ERG: variants seen among roughly 807,000 people sequenced by gnomAD.
ERG encodes the protein transcriptional regulator ERG.
ERG carries 9 observed loss-of-function variants against 55.3 expected under a neutral mutation model. The ratio of observed to expected loss-of-function variants is 0.16; its 90% CI spans 0.10 to 0.28. The LOEUF (loss-of-function observed/expected upper bound fraction) is 0.28. Among genes scored for constraint, ERG ranks in the 10% least tolerant of loss-of-function variants. The pLI is 1.00. For missense variants in ERG, 434 were observed against 631.6 expected (o/e 0.69, Z 3.35); for synonymous variants, 223 against 237.3 (o/e 0.94, Z 0.55).
chr21:38,378,089 A>G (rs1987290261), downstream of ERG, among the ~76,000 whole-genome samples: 1 of 152,158 alleles, frequency 6.6e-6, no homozygotes, highest in East Asian at 1.9e-4. Context: ...GGGTGATTCC[A>G]CTGTCTCTGT....
chr21:38,492,753 TG>T (rs765426074), intron 1 of ERG, among the ~76,000 whole-genome samples: 4 of 152,272 alleles, frequency 2.6e-5, no homozygotes, highest in Non-Finnish European at 5.9e-5. Context: ...AAACATGTCT[TG>T]GCCAAGCTCA....
rs1987366038 is a variant in ERG at position 38,380,290 on chromosome 21, G to A, written c.*3113C>T. 1 of 1,056,218 alleles carries A rather than the reference G, an allele frequency of 9.5e-7. No individual in the cohort carries two copies. Among genetic ancestry groups the A allele is most frequent in the African/African-American group, 1.6e-5 (1 of 60,662 alleles). 65.4% of individuals were successfully genotyped at this position (1,056,218 alleles called of 1,614,324 possible). ...GCAGCTCCTCCGGCTCCTGCTCCTG[G>A]GTTGCAGGTGCCACATCTGTGCAGA... is the stretch of plus-strand genomic sequence containing the variant. On this transcript the variant is annotated 3_prime_UTR_variant, in exon 10 of 10. Coordinates refer to ENST00000288319, the MANE Select transcript of ERG (RefSeq NM_182918.4).
chr21:38,548,283 A>G (rs555253930), intron 2 of ERG, among the ~76,000 whole-genome samples: 1 of 152,298 alleles, frequency 6.6e-6, no homozygotes, highest in African/African-American at 2.4e-5. Context: ...CCACCAAGAA[A>G]TCAAAACAGC....
chr21:38,484,468 T>A (rs1365464024), intron 1 of ERG, among the ~76,000 whole-genome samples: 1 of 152,186 alleles, frequency 6.6e-6, no homozygotes, highest in Non-Finnish European at 1.5e-5. Flanking sequence ...ACCCAAAGCA[T>A]AAGAATGGGA....
At chr21:38,571,509 T>A (rs926560845) in intron 2 of ERG, among the ~76,000 whole-genome samples, 2 of 151,410 alleles carry the variant, frequency 1.3e-5, no homozygotes, top group African/African-American at 2.4e-5. Context: ...AGACTATGTC[T>A]TAAAAAAAAT....
intron 2 of ERG, among the ~76,000 whole-genome samples, chr21:38,560,928 G>A (rs1321364205): frequency 1.3e-5 from 2 of 152,108 alleles, no homozygotes; most frequent in Admixed American, 6.5e-5. Flanking sequence ...TTTAATTGAT[G>A]CAAGAATAAT....
Position 38,382,602 on chromosome 21 carries a change from A to G in ERG, c.*801T>C. 9.4e-7 allele frequency: 1 copy of G among 1,066,254 alleles called. No homozygotes were observed. Among genetic ancestry groups the G allele is most frequent in the Non-Finnish European group, 1.1e-6 (1 of 879,628 alleles). The allele number at this position is 1,066,254 out of a possible 1,614,324, so 66.0% of individuals were successfully genotyped here. A position where few individuals can be genotyped will look rare whatever the true frequency, so the allele number is the denominator to read the frequency against. Reference sequence around the variant, plus strand: ...CCCTCGAGTCTCCATAACTCATTGTACACAGTCCCCAAATGTCCTGAGTCC... The same window carrying G: ...CCCTCGAGTCTCCATAACTCATTGTGCACAGTCCCCAAATGTCCTGAGTCC... On this transcript the variant is annotated 3_prime_UTR_variant, in exon 10 of 10. Transcript: ENST00000288319.
intron 8 of ERG, among the ~76,000 whole-genome samples, chr21:38,391,337 GC>G (rs1468226752): frequency 6.6e-6 from 1 of 152,174 alleles, no homozygotes; most frequent in Non-Finnish European, 1.5e-5. Context: ...CATGTGCCAA[GC>G]CCCATCAATC....
chr21:38,391,649 T>C lies in ERG; in HGVS notation c.871+10A>G, dbSNP rs766730830. The C allele has an allele frequency of 6.2e-7, 1 of 1,610,290 alleles. No individual in the cohort carries two copies. The highest frequency in any genetic ancestry group is 2.2e-5 in the East Asian group (1 of 44,830). ...CTCTTATGGTTATCCAGACGGCCCC[T>C]GAAACATACCTAACTGAGGACGCTG... On this transcript the variant is annotated intron_variant, in intron 8 of 9. Transcript: ENST00000288319.
At position 38,577,840 on chromosome 21, in the gene ERG, C is replaced by T. The variant is rs555551377; in HGVS notation, c.-126-2093G>A. On this transcript the variant is annotated intron_variant, in intron 1 of 8. Transcript: ENST00000398897. ...GACTAGTTCACTCCGCACAGTTCCT[C>T]CCTGCCTGCACACACATGCTGACGC... Among the ~76,000 whole-genome samples, 93 of 152,288 alleles carry T rather than the reference C, an allele frequency of 6.1e-4. 1 individual carries two copies. The highest frequency in any genetic ancestry group is 2.0e-3 in the African/African-American group (83 of 41,558).
chr21:38,471,731 A>C (rs1043240589), intron 1 of ERG: 1 of 152,228 alleles, frequency 6.6e-6, no homozygotes, highest in Non-Finnish European at 1.5e-5. Flanking sequence ...TTAAGATCAA[A>C]AGTCTGAGAA....
chr21:38,535,010 A>G (rs1241716876), intron 2 of ERG, among the ~76,000 whole-genome samples: 1 of 152,148 alleles, frequency 6.6e-6, no homozygotes, highest in East Asian at 1.9e-4. Context: ...GGTGTGTTAC[A>G]TAGGTAAACG....
At chr21:38,468,901 C>T (rs3787900) in intron 1 of ERG, among the ~76,000 whole-genome samples, 2,536 of 147,684 alleles carry the variant, frequency 0.017, 48 homozygotes, top group Middle Eastern at 0.1. Flanking sequence ...AGGAGAATAG[C>T]GTGAACCCGG....
rs1314328196 is a variant in ERG, at chr21:38,426,702, G to C, written c.237-3141C>G. Among the ~76,000 whole-genome samples the C allele has an allele frequency of 2.0e-5, 3 of 151,666 alleles. No homozygotes were observed. The East Asian group carries it at 5.9e-4, about 30-fold the overall frequency. ...TCCCAGCACTTTGGGAGGCCGAGCTGGGCGGATCACCTGAGGTCGGGAGTT... is the reference window on the plus strand; with the variant it reads ...TCCCAGCACTTTGGGAGGCCGAGCTCGGCGGATCACCTGAGGTCGGGAGTT... On this transcript the variant is annotated intron_variant, in intron 2 of 9. Transcript: ENST00000288319.
At chr21:38,550,977 C>T (rs1016176243) in intron 2 of ERG, among the ~76,000 whole-genome samples, 3 of 152,168 alleles carry the variant, frequency 2.0e-5, no homozygotes, top group African/African-American at 7.2e-5. Flanking sequence ...ATAAAAGTAA[C>T]ATTTTCATAT....
At chr21:38,527,654 G>T (rs2059639859) in intron 2 of ERG, among the ~76,000 whole-genome samples, 1 of 152,092 alleles carries the variant, frequency 6.6e-6, no homozygotes, top group South Asian at 2.1e-4. Flanking sequence ...GGAGGCCAAA[G>T]AAAAAGCTGG....
chr21:38,426,991 C>G (rs527456301), intron 2 of ERG, among the ~76,000 whole-genome samples: 1 of 152,228 alleles, frequency 6.6e-6, no homozygotes, highest in South Asian at 2.1e-4. Context: ...TCAGACCAAC[C>G]CCTTTTTCAT....
At chr21:38,429,589 GTA>G (rs1289048459) in intron 2 of ERG, among the ~76,000 whole-genome samples, 519 of 23,526 alleles carry the variant, frequency 0.022, 168 homozygotes, top group African/African-American at 0.045. Flanking sequence ...ATACATATGT[GTA>G]TATGTACATG....
chr21:38,448,667 A>C (rs1272272733), intron 1 of ERG, among the ~76,000 whole-genome samples: 1 of 152,216 alleles, frequency 6.6e-6, no homozygotes, highest in African/African-American at 2.4e-5. Context: ...CACTAAAGTT[A>C]AGTGCTGCTC....
Sources: allele counts gnomAD v4.1 joint callset (sites outside exome capture counted in the v4.1 genomes callset), GRCh38; gene constraint gnomAD v4.1.1; transcripts MANE v1.5; gene names NCBI Gene and HGNC (gene_info 2026-07-23, HGNC 2026-07-21).